The following LSAMP variants were observed in gnomAD, a reference collection of about 807,000 sequenced individuals.
LSAMP encodes the protein limbic system-associated membrane protein.
A neutral mutation model predicts 38.6 loss-of-function variants in LSAMP; 7 were observed. The ratio of observed to expected loss-of-function variants is 0.18; its 90% confidence interval spans 0.10 to 0.34. The LOEUF is 0.34. Ranked by LOEUF, LSAMP falls within the 10% of genes least tolerant of loss-of-function variation. The pLI, the probability that LSAMP is intolerant of heterozygous loss-of-function variation, is 1.00. For synonymous variants in LSAMP, 154 were observed against 166.8 expected, an observed-to-expected ratio of 0.92 and a Z score of 0.59; for missense variants, 313 against 420.0, an observed-to-expected ratio of 0.75 and a Z score of 2.23.
intron 1 of LSAMP, among the ~76,000 whole-genome samples, chr3:116,408,657 G>C (rs907751166): frequency 4.6e-5 from 7 of 152,042 alleles, no homozygotes; most frequent in Admixed American, 6.6e-5. Flanking sequence ...CCATTTAACA[G>C]GCTCGGAGAA....
intron 1 of LSAMP, among the ~76,000 whole-genome samples, chr3:116,238,840 T>G (rs1425358598): frequency 8.0e-6 from 1 of 124,710 alleles, no homozygotes; most frequent in South Asian, 3.3e-4. Flanking sequence ...AATGAAATAA[T>G]GACATGGTTA....
chr3:116,229,460 C>T (rs2046377268), intron 1 of LSAMP, among the ~76,000 whole-genome samples: 1 of 152,026 alleles, frequency 6.6e-6, no homozygotes, highest in Admixed American at 6.6e-5. Flanking sequence ...GCACACATTC[C>T]AAAATTTCAT....
At chr3:116,332,378 C>G (rs1031520545) in intron 1 of LSAMP, among the ~76,000 whole-genome samples, 2 of 151,994 alleles carry the variant, frequency 1.3e-5, no homozygotes, top group African/African-American at 4.8e-5. Context: ...TGTAAAGGAG[C>G]AGGGTTTTGT....
Position 116,195,718 on chromosome 3 carries a change from GA to G in LSAMP, c.156-109163del, listed in dbSNP as rs10631420. 4.9e-3 allele frequency among the ~76,000 whole-genome samples: 686 copies of G among 139,664 alleles called. 3 individuals carry two copies. Among genetic ancestry groups the G allele is most frequent in the South Asian group, 0.016 (70 of 4,510 alleles). 91.6% of individuals were successfully genotyped at this position (139,664 alleles called of 152,430 possible). A position where few individuals can be genotyped will look rare whatever the true frequency, so the allele number is the denominator to read the frequency against. On this transcript the variant is annotated intron_variant, in intron 1 of 6. Coordinates refer to ENST00000490035, the MANE Select transcript of LSAMP (RefSeq NM_002338.5). ...ATAAAAGTCTTTTAGAAAAAAAAAT[GA>G]AAAAAAAAAAACATTTAAAGGAAAA...
intron 6 of LSAMP, among the ~76,000 whole-genome samples, chr3:115,824,743 C>T (rs934555075): frequency 6.0e-5 from 9 of 151,024 alleles, no homozygotes; most frequent in East Asian, 5.8e-4. Context: ...AGCTTCCGGA[C>T]CTAAATCTAC....
At chr3:116,074,127 G>A (rs182890248) in intron 2 of LSAMP, among the ~76,000 whole-genome samples, 63 of 152,256 alleles carry the variant, frequency 4.1e-4, no homozygotes, top group Admixed American at 1.1e-3. Flanking sequence ...TGAGTTCCTT[G>A]TATCAACAAT....
intron 3 of LSAMP, among the ~76,000 whole-genome samples, chr3:115,997,761 CAT>C (rs1390026153): frequency 5.1e-5 from 7 of 136,748 alleles, no homozygotes; most frequent in African/African-American, 1.6e-4. Context: ...TATACACACA[CAT>C]ACATACACAC....
chr3:116,211,518 A>G (rs2046156678), intron 1 of LSAMP, among the ~76,000 whole-genome samples: 3 of 152,238 alleles, frequency 2.0e-5, no homozygotes, highest in Admixed American at 1.3e-4. Flanking sequence ...CCAAGACTCT[A>G]TTAAGCTAAT....
At chr3:115,865,834 A>G (rs541240317) in intron 3 of LSAMP, among the ~76,000 whole-genome samples, 4 of 152,314 alleles carry the variant, frequency 2.6e-5, no homozygotes. Context: ...TTAACCCCAG[A>G]CACAGAAGCC....
chr3:116,252,208 CAAAG>C (rs2046692640), intron 1 of LSAMP, among the ~76,000 whole-genome samples: 1 of 152,172 alleles, frequency 6.6e-6, no homozygotes, highest in Admixed American at 6.5e-5. Flanking sequence ...TCCATAAGCA[CAAAG>C]AAGCAAATGT....
chr3:116,132,424 C>A (rs1224369130), intron 1 of LSAMP, among the ~76,000 whole-genome samples: 1 of 121,332 alleles, frequency 8.2e-6, no homozygotes, highest in African/African-American at 2.7e-5. Context: ...AAGTGGCCTT[C>A]CTCCCACTGC....
chr3:116,154,661 C>T (rs1456834153), intron 1 of LSAMP, among the ~76,000 whole-genome samples: 2 of 152,056 alleles, frequency 1.3e-5, no homozygotes, highest in Admixed American at 6.6e-5. Context: ...TCAAGCACAC[C>T]TTGCTCCCTT....
intron 3 of LSAMP, among the ~76,000 whole-genome samples, chr3:115,898,136 G>T (rs984291028): frequency 6.6e-6 from 1 of 152,120 alleles, no homozygotes; most frequent in Admixed American, 6.6e-5. Flanking sequence ...CATTCTCAGG[G>T]TGTTAAGGGT....
intron 6 of LSAMP, among the ~76,000 whole-genome samples, chr3:115,820,812 A>G (rs1934204882): frequency 6.6e-6 from 1 of 152,200 alleles, no homozygotes; most frequent in Non-Finnish European, 1.5e-5. Flanking sequence ...AAGATTCTAG[A>G]GAGGGGAGAT....
chr3:115,996,003 C>G (rs540771583), intron 3 of LSAMP, among the ~76,000 whole-genome samples: 3 of 152,036 alleles, frequency 2.0e-5, no homozygotes, highest in East Asian at 3.9e-4. Context: ...TACCCAACAA[C>G]TGGTTAAAGA....
At chr3:116,308,274 C>T (rs2047511106) in intron 1 of LSAMP, among the ~76,000 whole-genome samples, 1 of 151,988 alleles carries the variant, frequency 6.6e-6, no homozygotes, top group African/African-American at 2.4e-5. Context: ...GTTGTCAGAG[C>T]ATTTTACAAT....
intron 1 of LSAMP, among the ~76,000 whole-genome samples, chr3:116,249,382 G>A (rs1459808325): frequency 2.0e-5 from 2 of 102,380 alleles, no homozygotes; most frequent in African/African-American, 6.1e-5. Context: ...ACTAGTAGAA[G>A]ATTCTATATT....
At chr3:116,180,684 G>C (rs931402876) in intron 1 of LSAMP, among the ~76,000 whole-genome samples, 1 of 152,144 alleles carries the variant, frequency 6.6e-6, no homozygotes, top group Middle Eastern at 3.2e-3. Context: ...ACATACAAAA[G>C]TTATGCTTTC....
At chr3:115,843,878 T>C (rs1170222556) in intron 4 of LSAMP, among the ~76,000 whole-genome samples, 1 of 152,212 alleles carries the variant, frequency 6.6e-6, no homozygotes, top group Non-Finnish European at 1.5e-5. Flanking sequence ...TAAACACTTG[T>C]ATGTAAACAG....
Sources: allele counts gnomAD v4.1 joint callset (sites outside exome capture counted in the v4.1 genomes callset), GRCh38; gene constraint gnomAD v4.1.1; transcripts MANE v1.5; gene names NCBI Gene and HGNC (gene_info 2026-07-23, HGNC 2026-07-21).